WNT3: variants seen among roughly 807,000 people sequenced by gnomAD.
WNT3 encodes Wnt family member 3.
WNT3 carries 7 observed loss-of-function variants against 34.2 expected under a neutral mutation model. The ratio of observed to expected loss-of-function variants is 0.20; its 90% confidence interval spans 0.12 to 0.38. The LOEUF (loss-of-function observed/expected upper bound fraction) is 0.38. Ranked by LOEUF, WNT3 falls within the 10% of genes least tolerant of loss-of-function variation. WNT3 has a pLI of 1.00. For missense variants in WNT3, 267 were observed against 499.8 expected (o/e 0.53, Z 4.44); for synonymous variants, 212 against 211.5 (o/e 1.00, Z -0.02).
intron 1 of WNT3, among the ~76,000 whole-genome samples, chr17:46,813,101 G>A (rs1416794024): frequency 6.6e-6 from 1 of 152,006 alleles, no homozygotes; most frequent in Non-Finnish European, 1.5e-5. Context: ...GAGTGGGGCA[G>A]CCAGCTCTTT....
At chr17:46,807,136 G>A (rs896429886) in intron 1 of WNT3, among the ~76,000 whole-genome samples, 3 of 152,174 alleles carry the variant, frequency 2.0e-5, no homozygotes, top group African/African-American at 7.2e-5. Context: ...AAAAAGAGGC[G>A]ACTTCTCTGA....
intron 1 of WNT3, among the ~76,000 whole-genome samples, chr17:46,806,498 C>T (rs1385848146): frequency 1.3e-5 from 2 of 152,142 alleles, no homozygotes; most frequent in Admixed American, 6.6e-5. Flanking sequence ...CGTGAGCCAC[C>T]GCGCCCAGCT....
chr17:46,800,835 T>TGCTG (rs944505792), intron 1 of WNT3, among the ~76,000 whole-genome samples: 1 of 152,184 alleles, frequency 6.6e-6, no homozygotes, highest in Non-Finnish European at 1.5e-5. Flanking sequence ...GAAGGGCCTT[T>TGCTG]GCTGGGGCCG....
At chr17:46,779,053 T>TCTCACACACACACACA (rs1310974235) in intron 1 of WNT3, among the ~76,000 whole-genome samples, 50 of 100,666 alleles carry the variant, frequency 5.0e-4, no homozygotes, top group African/African-American at 1.7e-3. Flanking sequence ...CCCTACCCCA[T>TCTCACACACACACACA]CACACACACA....
chr17:46,811,280 G>T (rs1262479052), intron 1 of WNT3, among the ~76,000 whole-genome samples: 1 of 151,966 alleles, frequency 6.6e-6, no homozygotes, highest in Non-Finnish European at 1.5e-5. Context: ...GCATGGGTCA[G>T]TGTTAATATG....
At chr17:46,817,222 C>T (rs1041283947) in intron 1 of WNT3, among the ~76,000 whole-genome samples, 2 of 152,202 alleles carry the variant, frequency 1.3e-5, no homozygotes, top group Non-Finnish European at 2.9e-5. Flanking sequence ...TGTCTCTGCT[C>T]CTCCTACCCT....
intron 4 of WNT3, among the ~76,000 whole-genome samples, chr17:46,765,309 C>T (rs543119532): frequency 2.6e-4 from 39 of 151,838 alleles, no homozygotes; most frequent in African/African-American, 9.0e-4. Flanking sequence ...CCAGGCCACT[C>T]GACTCTTGCC....
chr17:46,796,314 T>G (rs1291580670), intron 1 of WNT3, among the ~76,000 whole-genome samples: 1 of 152,232 alleles, frequency 6.6e-6, no homozygotes, highest in Non-Finnish European at 1.5e-5. Context: ...ATAGTGCTAA[T>G]AAAGACCAGT....
rs1219271188 is a variant in WNT3, at chr17:46,768,662, C to T, written c.726G>A (p.Ser242=). ...CACGGTGCTTCTCTACTACCATCTC[C>T]GAGGCGCTGTCATACTTGTCCTTGA... The part of the protein sequence containing the change: ...DFLKDKYDSA[S]EMVVEKHRES... The change falls in exon 4 of 5, where the codon TCG becomes TCA. Residue 242 remains serine, a synonymous_variant. Transcript: ENST00000225512. The surrounding 1 kb of genome is among the most constrained non-coding windows in gnomAD (Gnocchi z 5.0). 2.5e-6 allele frequency: 4 copies of T among 1,614,154 alleles called. No homozygotes were observed. The highest frequency in any genetic ancestry group is 3.4e-6 in the Non-Finnish European group (4 of 1,180,042).
chr17:46,784,309 C>T (rs1236766504), intron 1 of WNT3, among the ~76,000 whole-genome samples: 3 of 152,114 alleles, frequency 2.0e-5, no homozygotes, highest in Non-Finnish European at 2.9e-5. Context: ...GGGAACAAGA[C>T]GAGGAAGTGC....
chr17:46,799,898 T>C (rs1244814866), intron 1 of WNT3, among the ~76,000 whole-genome samples: 1 of 152,160 alleles, frequency 6.6e-6, no homozygotes. Flanking sequence ...ATCTGGGATT[T>C]GCACCACAGG....
intron 4 of WNT3, among the ~76,000 whole-genome samples, chr17:46,766,579 A>T (rs1426684188): frequency 6.6e-6 from 1 of 152,062 alleles, no homozygotes; most frequent in Admixed American, 6.5e-5. Flanking sequence ...AGGTAGTGCC[A>T]CCTGCTGCCT....
At chr17:46,807,677 T>C (rs1190173529) in intron 1 of WNT3, among the ~76,000 whole-genome samples, 1 of 152,244 alleles carries the variant, frequency 6.6e-6, no homozygotes, top group African/African-American at 2.4e-5. Context: ...CAAGTCTTTA[T>C]TGAGGATCCA....
chr17:46,808,456 C>T (rs1362833243), intron 1 of WNT3, among the ~76,000 whole-genome samples: 3 of 152,138 alleles, frequency 2.0e-5, no homozygotes, highest in Non-Finnish European at 2.9e-5. Context: ...ATTTTTACCC[C>T]AATAACAAGT....
At chr17:46,787,423 T>C (rs1271096423) in intron 1 of WNT3, among the ~76,000 whole-genome samples, 1 of 152,198 alleles carries the variant, frequency 6.6e-6, no homozygotes, top group African/African-American at 2.4e-5. Context: ...AAGCGGGACC[T>C]TTGACATCAC....
chr17:46,799,046 C>CA (rs35108068), intron 1 of WNT3, among the ~76,000 whole-genome samples: 20,951 of 92,988 alleles, frequency 0.23, 2,488 homozygotes, highest in African/African-American at 0.4. Flanking sequence ...GACTCCGTCT[C>CA]AAAAAAAAAA....
intron 1 of WNT3, among the ~76,000 whole-genome samples, chr17:46,785,706 G>T (rs565795399): frequency 3.2e-4 from 48 of 152,332 alleles, no homozygotes; most frequent in African/African-American, 1.2e-3. Context: ...GGGCAGCCGT[G>T]GGGAGAAGGA....
chr17:46,797,999 GCT>G (rs1355938229), intron 1 of WNT3, among the ~76,000 whole-genome samples: 1 of 152,136 alleles, frequency 6.6e-6, no homozygotes, highest in Non-Finnish European at 1.5e-5. Context: ...CGTGATCCCG[GCT>G]CTCTGCAACG....
intron 1 of WNT3, among the ~76,000 whole-genome samples, chr17:46,816,622 T>C (rs920347871): frequency 2.0e-5 from 3 of 152,098 alleles, no homozygotes; most frequent in Non-Finnish European, 4.4e-5. Flanking sequence ...CCTTCCAGGT[T>C]TCCCCAGCGT....
Sources: gnomAD v4.1 joint callset for allele counts (sites outside exome capture counted in the v4.1 genomes callset) on GRCh38, gnomAD v4.1.1 for gene constraint, Gnocchi (gnomAD v3.1) non-coding constraint, MANE v1.5 for transcripts, NCBI Gene and HGNC (gene_info 2026-07-23, HGNC 2026-07-21) for gene names.